The following ANKS1A variants were observed in gnomAD, a reference collection of about 807,000 sequenced individuals.
The protein encoded by ANKS1A is ankyrin repeat and sterile alpha motif domain containing 1A, also known as ankyrin repeat and SAM domain-containing protein 1A.
ANKS1A carries 55 observed loss-of-function variants against 120.3 expected under a neutral mutation model. The observed-to-expected ratio is 0.46, with a 90% confidence interval of 0.37 to 0.57. The LOEUF (loss-of-function observed/expected upper bound fraction) is 0.57. Among genes scored for constraint, ANKS1A ranks in the 20% least tolerant of loss-of-function variants. ANKS1A has a pLI of 0.00. For synonymous variants in ANKS1A, 590 were observed against 604.7 expected (o/e 0.98, Z 0.36); for missense variants, 1,123 against 1,480.3 (o/e 0.76, Z 3.96).
chr6:35,031,620 A>T (rs1215099627), intron 11 of ANKS1A, among the ~76,000 whole-genome samples: 1 of 152,112 alleles, frequency 6.6e-6, no homozygotes, highest in Non-Finnish European at 1.5e-5. Flanking sequence ...TGGGATCCTC[A>T]GCGGCCACCA....
At chr6:35,087,073 AC>A in intron 23 of ANKS1A, 24 bp downstream of exon 23, 1 of 1,605,788 alleles carries the variant, frequency 6.2e-7, no homozygotes, top group Non-Finnish European at 8.5e-7. Context: ...ATCTTCTAAA[AC>A]AACCCACTCC....
chr6:35,027,389 A>G (rs928244896), intron 11 of ANKS1A, among the ~76,000 whole-genome samples: 1 of 152,178 alleles, frequency 6.6e-6, no homozygotes, highest in South Asian at 2.1e-4. Flanking sequence ...GTGGCCTCAG[A>G]CATTCTCTGA....
intron 2 of ANKS1A, among the ~76,000 whole-genome samples, chr6:34,968,512 A>C (rs1012242092): frequency 6.6e-6 from 1 of 152,116 alleles, no homozygotes. Context: ...ATCTTGGCTC[A>C]CTGCAACCTC....
chr6:35,090,833 C>T lies in ANKS1A; in HGVS notation c.*2224C>T. 2 of 985,786 alleles carry T rather than the reference C, an allele frequency of 2.0e-6. No individual in the cohort carries two copies. Among genetic ancestry groups the T allele is most frequent in the Non-Finnish European group, 2.4e-6 (2 of 830,222 alleles). 61.1% of individuals were successfully genotyped at this position (985,786 alleles called of 1,614,324 possible). A position where few individuals can be genotyped will look rare whatever the true frequency, so the allele number is the denominator to read the frequency against. On this transcript the variant is annotated 3_prime_UTR_variant, in exon 24 of 24. Coordinates refer to ENST00000360359, the MANE Select transcript of ANKS1A (RefSeq NM_015245.3). ...GGGAGACTTCAGATGGGCTCAGTAC[C>T]TGTCCCAGCCACAGGCTTCTTGTCC... is the stretch of plus-strand genomic sequence containing the variant.
chr6:35,018,017 A>G lies in ANKS1A; in HGVS notation c.1968A>G (p.Lys656=). The G allele has an allele frequency of 6.2e-7, 1 of 1,614,054 alleles. No individual in the cohort carries two copies. The highest frequency in any genetic ancestry group is 8.5e-7 in the Non-Finnish European group (1 of 1,180,006). Reference sequence around the variant, plus strand: ...TATCCAACTGCAGCATTGGGAAGAAAAGGCTAGAGAAGTCACCCTCCTTCG... The same window carrying G: ...TATCCAACTGCAGCATTGGGAAGAAGAGGCTAGAGAAGTCACCCTCCTTCG... ...ESLSNCSIGK[K]RLEKSPSFAS... Residue 656 remains lysine (K), a synonymous_variant, in exon 11 of 24, where the codon AAA becomes AAG. Coordinates refer to ENST00000360359, the MANE Select transcript of ANKS1A (RefSeq NM_015245.3).
chr6:34,989,830 GA>G (rs1772413869), intron 9 of ANKS1A, among the ~76,000 whole-genome samples: 1 of 152,180 alleles, frequency 6.6e-6, no homozygotes, highest in Non-Finnish European at 1.5e-5. Flanking sequence ...GCCAGGGCTG[GA>G]AGATCAAAGA....
At chr6:34,942,957 C>CTTTTCT (rs1769606706) in intron 1 of ANKS1A, among the ~76,000 whole-genome samples, 1 of 149,746 alleles carries the variant, frequency 6.7e-6, no homozygotes, top group Admixed American at 6.7e-5. Flanking sequence ...CCCCTTTCCC[C>CTTTTCT]TTTCCTTTTC....
In ANKS1A at chr6:34,896,736, G is replaced by A. The variant is rs576024950; in HGVS notation, c.197+7137G>A. ...TCCCGGCACTTTGGGAGGCTGAGGCGGGTGGATCACCTGAGGTCAGGAGTT... is the reference window on the plus strand; with the variant it reads ...TCCCGGCACTTTGGGAGGCTGAGGCAGGTGGATCACCTGAGGTCAGGAGTT... On this transcript the variant is annotated intron_variant, in intron 1 of 23. Coordinates refer to ENST00000360359, the MANE Select transcript of ANKS1A (RefSeq NM_015245.3). Among the ~76,000 whole-genome samples the A allele has an allele frequency of 1.1e-4, 16 of 152,240 alleles. No individual in the cohort carries two copies. In the East Asian group the frequency reaches 3.1e-3, roughly 29 times the overall value.
At chr6:35,022,562 C>T (rs1774398923) in intron 11 of ANKS1A, among the ~76,000 whole-genome samples, 1 of 152,184 alleles carries the variant, frequency 6.6e-6, no homozygotes, top group African/African-American at 2.4e-5. Context: ...TTTAAAAGAG[C>T]TCAGCCTAAG....
chr6:35,065,755 C>T (rs578165428), intron 13 of ANKS1A, among the ~76,000 whole-genome samples: 1 of 152,364 alleles, frequency 6.6e-6, no homozygotes, highest in South Asian at 2.1e-4. Flanking sequence ...TGGTCCAGGT[C>T]AGACGTCCAC....
At chr6:34,910,231 A>G (rs1396694949) in intron 1 of ANKS1A, among the ~76,000 whole-genome samples, 1 of 152,186 alleles carries the variant, frequency 6.6e-6, no homozygotes, top group Admixed American at 6.5e-5. Flanking sequence ...GTTGATTTGC[A>G]GTTGAGTGGG....
chr6:34,991,689 TACAC>T (rs763436101), intron 9 of ANKS1A, among the ~76,000 whole-genome samples: 1 of 25,788 alleles, frequency 3.9e-5, no homozygotes, highest in Non-Finnish European at 4.4e-4. Context: ...TATACATATA[TACAC>T]ATATATATAC....
At chr6:35,095,577 G>GAAAAA (rs1778441031), downstream of ANKS1A, among the ~76,000 whole-genome samples, 1 of 106,222 alleles carries the variant, frequency 9.4e-6, no homozygotes, top group Non-Finnish European at 1.9e-5. Flanking sequence ...AAAAAAAAAG[G>GAAAAA]AAAGACGAAA....
chr6:35,023,386 A>C (rs1774449819), intron 11 of ANKS1A: 1 of 184,274 alleles, frequency 5.4e-6, no homozygotes, highest in East Asian at 1.7e-4. Context: ...GGAGCAGTAA[A>C]CATGACTCTA....
chr6:34,889,698 G>A lies in ANKS1A; in HGVS notation c.197+99G>A. The A allele has an allele frequency of 8.5e-7, 1 of 1,177,942 alleles. No individual in the cohort carries two copies. 73.0% of individuals were successfully genotyped at this position (1,177,942 alleles called of 1,614,324 possible). Reference sequence around the variant, plus strand: ...GATCGGGGGTCCTGAGACTCGGGCGGGGTGGGCTTGTGGCGTGCCCGGGGC... The same window carrying A: ...GATCGGGGGTCCTGAGACTCGGGCGAGGTGGGCTTGTGGCGTGCCCGGGGC... On this transcript the variant is annotated intron_variant, in intron 1 of 23. Transcript: ENST00000360359. This position sits in a 1 kb window ranked among gnomAD's most constrained non-coding sequence, Gnocchi z 5.5.
intron 1 of ANKS1A, among the ~76,000 whole-genome samples, chr6:34,919,771 G>T (rs1388310253): frequency 1.3e-5 from 2 of 152,138 alleles, no homozygotes; most frequent in Admixed American, 6.5e-5. Context: ...GTAATCCACA[G>T]TGCACTTAGT....
downstream of ANKS1A, among the ~76,000 whole-genome samples, chr6:35,093,324 A>T (rs1038422838): frequency 1.2e-4 from 18 of 152,146 alleles, no homozygotes; most frequent in African/African-American, 3.9e-4. Flanking sequence ...TCCTGTTCCA[A>T]CTTATGCCAA....
chr6:35,053,962 T>C, intron 11 of ANKS1A, 137 bp from the exon 12 acceptor site: 1 of 708,632 alleles, frequency 1.4e-6, no homozygotes, highest in Non-Finnish European at 2.6e-6. Context: ...AGAGTCCTGA[T>C]ACCTTGCAGG....
chr6:34,907,299 G>A (rs1252300015), intron 1 of ANKS1A, among the ~76,000 whole-genome samples: 1 of 152,136 alleles, frequency 6.6e-6, no homozygotes, highest in Non-Finnish European at 1.5e-5. Flanking sequence ...TTGTACCAGT[G>A]TTAATTTCTT....
Sources: allele counts gnomAD v4.1 joint callset (sites outside exome capture counted in the v4.1 genomes callset), GRCh38; gene constraint gnomAD v4.1.1; non-coding constraint Gnocchi (gnomAD v3.1); transcripts MANE v1.5; gene names NCBI Gene and HGNC (gene_info 2026-07-23, HGNC 2026-07-21).